Variants in GPC5 observed in about 807,000 individuals in gnomAD.
GPC5 encodes the protein glypican-5.
A neutral mutation model predicts 53.9 loss-of-function variants in GPC5; 47 were observed. The observed-to-expected ratio is 0.87, with a 90% CI of 0.69 to 1.11. GPC5 has a LOEUF of 1.11. Ranked by LOEUF, GPC5 falls within the 50% of genes most tolerant of loss-of-function variation. The pLI is 0.00. For missense variants in GPC5, 748 were observed against 713.1 expected, an observed-to-expected ratio of 1.05 and a Z score of -0.56; for synonymous variants, 286 against 263.3, an observed-to-expected ratio of 1.09 and a Z score of -0.84.
At chr13:92,857,296 T>A (rs1349018873) in intron 7 of GPC5, among the ~76,000 whole-genome samples, 1 of 152,014 alleles carries the variant, frequency 6.6e-6, no homozygotes, top group South Asian at 2.1e-4. Context: ...CTCCTACATG[T>A]CACCATATAC....
chr13:92,225,030 C>A (rs1050387221), intron 7 of GPC5, among the ~76,000 whole-genome samples: 3 of 152,122 alleles, frequency 2.0e-5, no homozygotes, highest in Non-Finnish European at 4.4e-5. Context: ...GTCAGTTTCA[C>A]TTTCCATCTT....
At chr13:92,858,010 C>T (rs190903709) in intron 7 of GPC5, among the ~76,000 whole-genome samples, 2 of 152,146 alleles carry the variant, frequency 1.3e-5, no homozygotes, top group Admixed American at 6.5e-5. Context: ...AAAAGTCACA[C>T]GCACTCATAT....
chr13:92,764,119 A>G (rs1320311602), intron 7 of GPC5, among the ~76,000 whole-genome samples: 2 of 152,198 alleles, frequency 1.3e-5, no homozygotes, highest in African/African-American at 4.8e-5. Flanking sequence ...CAGCCAAGGC[A>G]TCGGTTTTCT....
At chr13:92,543,579 G>T (rs1181262384) in intron 7 of GPC5, among the ~76,000 whole-genome samples, 2 of 151,900 alleles carry the variant, frequency 1.3e-5, no homozygotes, top group Non-Finnish European at 2.9e-5. Flanking sequence ...TAGGATGCAG[G>T]GTGCCACTTC....
chr13:92,034,611 G>A (rs2040878725), intron 6 of GPC5, among the ~76,000 whole-genome samples: 1 of 152,054 alleles, frequency 6.6e-6, no homozygotes, highest in African/African-American at 2.4e-5. Context: ...GGATACAATG[G>A]GGGCCTCTGA....
At chr13:92,615,993 GC>G (rs1381291999) in intron 7 of GPC5, among the ~76,000 whole-genome samples, 1 of 152,158 alleles carries the variant, frequency 6.6e-6, no homozygotes, top group Non-Finnish European at 1.5e-5. Context: ...GGCAGAGCTG[GC>G]AGTGAGCCGA....
intron 2 of GPC5, among the ~76,000 whole-genome samples, chr13:91,635,057 A>G (rs1180651271): frequency 6.6e-6 from 1 of 152,098 alleles, no homozygotes; most frequent in Non-Finnish European, 1.5e-5. Flanking sequence ...GTAAGACTTG[A>G]GAATTGAATG....
At chr13:92,784,599 A>G (rs917827370) in intron 7 of GPC5, among the ~76,000 whole-genome samples, 2 of 151,854 alleles carry the variant, frequency 1.3e-5, no homozygotes, top group Non-Finnish European at 2.9e-5. Context: ...TAAATGTTGT[A>G]CTCTTTTGTG....
At chr13:92,195,884 T>G (rs1028065938) in intron 7 of GPC5, among the ~76,000 whole-genome samples, 17 of 152,280 alleles carry the variant, frequency 1.1e-4, no homozygotes, top group African/African-American at 4.1e-4. Flanking sequence ...GTGCTCACTG[T>G]GTACCAGGAC....
chr13:92,696,304 CTCCCACTA>C (rs149118532), intron 7 of GPC5, among the ~76,000 whole-genome samples: 7,761 of 152,174 alleles, frequency 0.051, 530 homozygotes, highest in East Asian at 0.31. Flanking sequence ...ATAATTTACA[CTCCCACTA>C]ACAGTGTAAA....
At chr13:92,794,964 G>A (rs565497127) in intron 7 of GPC5, among the ~76,000 whole-genome samples, 104 of 152,148 alleles carry the variant, frequency 6.8e-4, no homozygotes, top group African/African-American at 2.0e-3. Flanking sequence ...ACTGCCCTAG[G>A]TAACTTACAG....
intron 7 of GPC5, among the ~76,000 whole-genome samples, chr13:92,176,436 A>C (rs2139029320): frequency 6.6e-6 from 1 of 152,216 alleles, no homozygotes; most frequent in Admixed American, 6.5e-5. Context: ...TATGCTCCTA[A>C]CCACTGGGTA....
intron 7 of GPC5, among the ~76,000 whole-genome samples, chr13:92,450,527 A>C (rs1878018871): frequency 6.6e-6 from 1 of 152,122 alleles, no homozygotes; most frequent in South Asian, 2.1e-4. Flanking sequence ...AGCATTTTAG[A>C]GTTCAGGTTT....
intron 5 of GPC5, among the ~76,000 whole-genome samples, chr13:91,771,587 A>G (rs1215628573): frequency 6.6e-6 from 1 of 152,230 alleles, no homozygotes; most frequent in South Asian, 2.1e-4. Context: ...TTTATAAAGA[A>G]GGAGATAGCC....
At chr13:91,402,532 T>G (rs903277522) in intron 1 of GPC5, among the ~76,000 whole-genome samples, 3 of 152,220 alleles carry the variant, frequency 2.0e-5, no homozygotes, top group Non-Finnish European at 2.9e-5. Context: ...AAAACTTGGT[T>G]CTACCACTTG....
intron 2 of GPC5, among the ~76,000 whole-genome samples, chr13:91,603,486 A>AC: frequency 6.6e-6 from 1 of 152,320 alleles, no homozygotes; most frequent in East Asian, 1.9e-4. Context: ...TCCTGATCTC[A>AC]CAAAATTCTC....
chr13:91,789,190 G>C (rs345446), intron 5 of GPC5, among the ~76,000 whole-genome samples: 45,909 of 151,792 alleles, frequency 0.3, 8,385 homozygotes, highest in African/African-American at 0.5. Context: ...TCTAGCCTGG[G>C]TGACAGAGCT....
chr13:92,535,449 C>T (rs1881693641), intron 7 of GPC5, among the ~76,000 whole-genome samples: 1 of 151,928 alleles, frequency 6.6e-6, no homozygotes, highest in Non-Finnish European at 1.5e-5. Context: ...CTGACTAAAA[C>T]TAGTGGTTTA....
intron 7 of GPC5, among the ~76,000 whole-genome samples, chr13:92,612,331 T>G (rs79115019): frequency 0.025 from 3,736 of 152,208 alleles, 71 homozygotes; most frequent in Middle Eastern, 0.041. Flanking sequence ...GTTTCAGTCA[T>G]TATCATTAGT....
Sources: gnomAD v4.1 joint callset for allele counts (sites outside exome capture counted in the v4.1 genomes callset) on GRCh38, gnomAD v4.1.1 for gene constraint, MANE v1.5 for transcripts, NCBI Gene and HGNC (gene_info 2026-07-23, HGNC 2026-07-21) for gene names.